Variants in SMARCA2 observed in about 807,000 individuals in gnomAD.
The protein encoded by SMARCA2 is SWI/SNF-related matrix-associated actin-dependent regulator of chromatin subfamily A member 2.
SMARCA2 carries 61 observed loss-of-function variants against 199.8 expected under a neutral mutation model. The ratio of observed to expected loss-of-function variants is 0.31; its 90% confidence interval spans 0.25 to 0.38. The LOEUF (loss-of-function observed/expected upper bound fraction) is 0.38, where lower values mean the gene tolerates loss of function less well. SMARCA2 is among the 10% of genes least tolerant of loss of function. The pLI is 1.00. For synonymous variants in SMARCA2, 935 were observed against 732.0 expected, an observed-to-expected ratio of 1.28 and a Z score of -4.48; for missense variants, 1,344 against 2,012.2, an observed-to-expected ratio of 0.67 and a Z score of 6.35.
At position 2,104,276 on chromosome 9, in the gene SMARCA2, T is replaced by G; in HGVS notation, c.3292+107T>G. 9.6e-7 allele frequency: 1 copy of G among 1,042,902 alleles called. No individual in the cohort carries two copies. Among genetic ancestry groups the G allele is most frequent in the Non-Finnish European group, 1.4e-6 (1 of 717,730 alleles). The allele number at this position is 1,042,902 out of a possible 1,614,324, so 64.6% of individuals were successfully genotyped here. ...AAAAGAAGGGGTAAAATTGAAGAAT[T>G]GACTAGAAGCATTGGGAGCAGTTTT... On this transcript the variant is annotated intron_variant, in intron 23 of 33. Coordinates refer to ENST00000349721, the MANE Select transcript of SMARCA2 (RefSeq NM_003070.5). The surrounding 1 kb of genome is among the most constrained non-coding windows in gnomAD (Gnocchi z 4.0).
chr9:2,152,853 CAAAA>C (rs1825148398), intron 27 of SMARCA2, among the ~76,000 whole-genome samples: 1 of 151,222 alleles, frequency 6.6e-6, no homozygotes, highest in Non-Finnish European at 1.5e-5. Flanking sequence ...AAGACTGTCT[CAAAA>C]AATAAAAATA....
intron 22 of SMARCA2, among the ~76,000 whole-genome samples, chr9:2,102,714 T>C (rs1822577606): frequency 6.6e-6 from 1 of 152,218 alleles, no homozygotes; most frequent in Non-Finnish European, 1.5e-5. Context: ...ACTTGTATAG[T>C]AATCCAAGAC....
At position 2,045,537 on chromosome 9, in the gene SMARCA2, G is replaced by A. The variant is rs1366934562; in HGVS notation, c.791-1692G>A. The A allele has an allele frequency of 2.0e-5, 3 of 151,974 alleles. No homozygotes were observed. In the East Asian group the frequency reaches 5.8e-4, roughly 29 times the overall value. 9.4% of individuals were successfully genotyped at this position (151,974 alleles called of 1,614,324 possible). On this transcript the variant is annotated intron_variant, in intron 4 of 33. Coordinates refer to ENST00000349721, the MANE Select transcript of SMARCA2 (RefSeq NM_003070.5). ...TTTACAAATTGGTTTCTTATATATG[G>A]ATGAAAGGAACTCTAAATGTATCGT... is the stretch of plus-strand genomic sequence containing the variant.
At chr9:2,087,178 C>T in intron 18 of SMARCA2, 107 bp downstream of exon 18, 2 of 1,375,752 alleles carry the variant, frequency 1.5e-6, no homozygotes, top group Non-Finnish European at 2.0e-6. Context: ...GTGGTTTCCA[C>T]TGTTGTTTAT....
intron 24 of SMARCA2, among the ~76,000 whole-genome samples, chr9:2,114,716 A>C (rs138626178): frequency 6.6e-6 from 1 of 152,236 alleles, no homozygotes; most frequent in Non-Finnish European, 1.5e-5. Context: ...AATTTCATGA[A>C]AGCTTTTTTC....
At chr9:2,154,088 G>C (rs1014285245) in intron 27 of SMARCA2, among the ~76,000 whole-genome samples, 9 of 152,182 alleles carry the variant, frequency 5.9e-5, no homozygotes, top group South Asian at 2.1e-4. Flanking sequence ...TTCTTACTAT[G>C]ATATGATCTG....
intron 23 of SMARCA2, among the ~76,000 whole-genome samples, chr9:2,109,121 A>G (rs1258984485): frequency 1.3e-5 from 2 of 152,170 alleles, no homozygotes; most frequent in Non-Finnish European, 2.9e-5. Context: ...TTCATTAGCT[A>G]TAGTCACTTA....
intron 31 of SMARCA2, among the ~76,000 whole-genome samples, chr9:2,185,304 CACTTATGG>C (rs577369537): frequency 9.6e-4 from 146 of 152,308 alleles, no homozygotes; most frequent in African/African-American, 3.3e-3. Flanking sequence ...CTGGCTTATG[CACTTATGG>C]ACTTAGCGTA....
At chr9:2,024,242 C>T (rs115506443) in intron 1 of SMARCA2, among the ~76,000 whole-genome samples, 1 of 152,104 alleles carries the variant, frequency 6.6e-6, no homozygotes, top group Non-Finnish European at 1.5e-5. Context: ...GCTACCTTCT[C>T]CATTACACTT....
chr9:2,080,328 A>G (rs1821510541), intron 14 of SMARCA2, among the ~76,000 whole-genome samples: 1 of 152,136 alleles, frequency 6.6e-6, no homozygotes, highest in Admixed American at 6.5e-5. Flanking sequence ...AGAAAATCCA[A>G]ATTACTTCCC....
intron 29 of SMARCA2, among the ~76,000 whole-genome samples, chr9:2,177,719 A>G (rs1317592891): frequency 2.0e-5 from 3 of 151,928 alleles, no homozygotes; most frequent in Non-Finnish European, 4.4e-5. Context: ...CACCCAGCTA[A>G]TTTTGTATTT....
intron 9 of SMARCA2, among the ~76,000 whole-genome samples, chr9:2,064,027 T>A (rs1246879910): frequency 6.6e-6 from 1 of 152,240 alleles, no homozygotes; most frequent in Non-Finnish European, 1.5e-5. Context: ...TTTTAAAGTA[T>A]TGAAAACCTA....
At chr9:2,088,999 G>C (rs920961449) in intron 19 of SMARCA2, among the ~76,000 whole-genome samples, 1 of 151,248 alleles carries the variant, frequency 6.6e-6, no homozygotes, top group African/African-American at 2.4e-5. Flanking sequence ...TCATTGAAGG[G>C]GGTGGTAAAC....
chr9:2,124,979 G>A (rs761066589), intron 27 of SMARCA2, among the ~76,000 whole-genome samples: 2 of 152,112 alleles, frequency 1.3e-5, no homozygotes, highest in East Asian at 1.9e-4. Context: ...GGAGTTGTTC[G>A]TTTTATCCAA....
rs1825652910 is a variant in SMARCA2 at position 2,161,172 on chromosome 9, A to G, written c.3982-514A>G. ...AATTGCCACGTTAGAACAAAAATCT[A>G]GATGGAATTTTGATTTATATTGTTA... is the stretch of plus-strand genomic sequence containing the variant. On this transcript the variant is annotated intron_variant, in intron 27 of 33. Coordinates refer to ENST00000349721, the MANE Select transcript of SMARCA2 (RefSeq NM_003070.5). This position sits in a 1 kb window ranked among gnomAD's most constrained non-coding sequence, Gnocchi z 4.7. 6.5e-6 allele frequency: 1 copy of G among 154,918 alleles called. No individual in the cohort carries two copies. The highest frequency in any genetic ancestry group is 2.4e-5 in the African/African-American group (1 of 41,484). The allele number at this position is 154,918 out of a possible 1,614,324, so 9.6% of individuals were successfully genotyped here.
intron 1 of SMARCA2, chr9:2,022,161 C>G (rs540009288): frequency 3.3e-5 from 5 of 152,260 alleles, no homozygotes; most frequent in African/African-American, 1.2e-4. Context: ...GGAGGCTTGT[C>G]TCAGAAGTTT....
At chr9:2,124,384 C>A (rs1424297517) in intron 27 of SMARCA2, among the ~76,000 whole-genome samples, 1 of 152,202 alleles carries the variant, frequency 6.6e-6, no homozygotes, top group African/African-American at 2.4e-5. Context: ...CTGCACAGAT[C>A]TTTCAGGGAT....
intron 31 of SMARCA2, among the ~76,000 whole-genome samples, chr9:2,185,360 A>G (rs905888977): frequency 2.6e-5 from 4 of 152,210 alleles, no homozygotes; most frequent in African/African-American, 9.7e-5. Flanking sequence ...CCTTTTTAAG[A>G]CTGAATAATA....
intron 3 of SMARCA2, among the ~76,000 whole-genome samples, chr9:2,034,795 A>G (rs1819249972): frequency 6.6e-6 from 1 of 152,210 alleles, no homozygotes; most frequent in Non-Finnish European, 1.5e-5. Context: ...CCAGACTCTT[A>G]TCTGAATTTT....
Sources: gnomAD v4.1 joint callset for allele counts (sites outside exome capture counted in the v4.1 genomes callset) on GRCh38, gnomAD v4.1.1 for gene constraint, Gnocchi (gnomAD v3.1) non-coding constraint, MANE v1.5 for transcripts, NCBI Gene and HGNC (gene_info 2026-07-23, HGNC 2026-07-21) for gene names.